The following ATP2A2 variants were observed in gnomAD, a reference collection of about 807,000 sequenced individuals.
The protein encoded by ATP2A2 is ATPase sarcoplasmic/endoplasmic reticulum Ca2+ transporting 2.
In ATP2A2, 14 loss-of-function variants were observed where a neutral mutation model predicts 109.3. The observed-to-expected ratio is 0.13, with a 90% CI of 0.08 to 0.20. ATP2A2 has a LOEUF of 0.20. ATP2A2 is among the 10% of genes least tolerant of loss of function. ATP2A2 has a pLI of 1.00. For synonymous variants in ATP2A2, 506 were observed against 490.9 expected (o/e 1.03, Z -0.41); for missense variants, 657 against 1,321.6 (o/e 0.50, Z 7.80).
rs1592867835 is a variant in ATP2A2, at chr12:110,345,445, TGTGTAG to T, written c.2741+64_2741+69del. The T allele has an allele frequency of 2.2e-5, 36 of 1,603,586 alleles. No homozygotes were observed. The East Asian group carries it at 7.8e-4, about 35-fold the overall frequency. ...TGACTGCCAGGGCACCGGGGAATTG[TGTGTAG>T]TCACGGTTGATTGAGGATCACAGGA... On this transcript the variant is annotated intron_variant, in intron 18 of 19. Transcript: ENST00000539276.
At chr12:110,285,776 T>C (rs1275945020) in intron 3 of ATP2A2, among the ~76,000 whole-genome samples, 1 of 152,176 alleles carries the variant, frequency 6.6e-6, no homozygotes, top group Non-Finnish European at 1.5e-5. Flanking sequence ...CACCGTCGTT[T>C]CCCATGTCAG....
chr12:110,341,484 C>G (rs1180502744), intron 14 of ATP2A2, among the ~76,000 whole-genome samples: 1 of 152,126 alleles, frequency 6.6e-6, no homozygotes, highest in Non-Finnish European at 1.5e-5. Flanking sequence ...TCCTCTCCCC[C>G]AGAGGTAACT....
chr12:110,309,361 T>C (rs1469266351), intron 5 of ATP2A2, among the ~76,000 whole-genome samples: 2 of 151,532 alleles, frequency 1.3e-5, no homozygotes, highest in African/African-American at 4.8e-5. Flanking sequence ...TTTCACCATG[T>C]TGGCCAGGCT....
chr12:110,302,950 G>A (rs1377274333), intron 5 of ATP2A2, among the ~76,000 whole-genome samples: 1 of 152,138 alleles, frequency 6.6e-6, no homozygotes, highest in African/African-American at 2.4e-5. Context: ...CTTAAGTGCT[G>A]CTTGCTTTCG....
rs1879924732 is a variant in ATP2A2, at chr12:110,346,952, G to A, written c.*482G>A. On this transcript the variant is annotated 3_prime_UTR_variant, in exon 20 of 20. Coordinates refer to ENST00000539276, the MANE Select transcript of ATP2A2 (RefSeq NM_170665.4). Reference sequence around the variant, plus strand: ...TAAGCCAATTTTTCTGCACTGAGCAGAGTCTTGCTACCTCAGTCAGTATTG... The same window carrying A: ...TAAGCCAATTTTTCTGCACTGAGCAAAGTCTTGCTACCTCAGTCAGTATTG... 1 of 1,099,588 alleles carries A rather than the reference G, an allele frequency of 9.1e-7. No individual in the cohort carries two copies. Among genetic ancestry groups the A allele is most frequent in the Non-Finnish European group, 1.1e-6 (1 of 899,644 alleles). 68.1% of individuals were successfully genotyped at this position (1,099,588 alleles called of 1,614,324 possible). A position where few individuals can be genotyped will look rare whatever the true frequency, so the allele number is the denominator to read the frequency against.
At chr12:110,300,075 A>G (rs956665299) in intron 5 of ATP2A2, among the ~76,000 whole-genome samples, 1 of 148,446 alleles carries the variant, frequency 6.7e-6, no homozygotes, top group Non-Finnish European at 1.5e-5. Flanking sequence ...TCCTTCCGTC[A>G]GTCTGTCCGT....
At position 110,350,383 on chromosome 12, in the gene ATP2A2, A is replaced by G. The variant is rs1592875909; in HGVS notation, c.*3913A>G. The stretch of plus-strand genomic sequence containing the variant: ...TGCGTTTTTAGCAACACATCTACCA[A>G]CCCTGTGCATGACTGATGTTGGGGA... On this transcript the variant is annotated 3_prime_UTR_variant, in exon 20 of 20. Coordinates refer to ENST00000539276, the MANE Select transcript of ATP2A2 (RefSeq NM_170665.4). The G allele has an allele frequency of 1.2e-6, 2 of 1,608,788 alleles. No individual in the cohort carries two copies. The highest frequency in any genetic ancestry group is 2.2e-5 in the South Asian group (2 of 90,934).
Position 110,347,683 on chromosome 12 carries a change from G to A in ATP2A2, c.*1213G>A, listed in dbSNP as rs926748906. On this transcript the variant is annotated 3_prime_UTR_variant, in exon 20 of 20. Coordinates refer to ENST00000539276, the MANE Select transcript of ATP2A2 (RefSeq NM_170665.4). ...CACTAACCACCACCACCGTTACTACGATCAATGTTTGCGCATGTTCGAGAT... is the reference window on the plus strand; with the variant it reads ...CACTAACCACCACCACCGTTACTACAATCAATGTTTGCGCATGTTCGAGAT... 1.8e-5 allele frequency: 21 copies of A among 1,169,810 alleles called. No individual in the cohort carries two copies. The highest frequency in any genetic ancestry group is 7.4e-5 in the Admixed American group (2 of 27,000). The allele number at this position is 1,169,810 out of a possible 1,614,324, so 72.5% of individuals were successfully genotyped here.
rs1200089844 is a variant in ATP2A2, at chr12:110,281,397, C to T, written c.-393C>T. ...GGCTCGCCTCCCTCGCCGCGTTCCG[C>T]CCTCAGTGGTCTGCCGGGCGCCCCC... is the stretch of plus-strand genomic sequence containing the variant. On this transcript the variant is annotated 5_prime_UTR_variant, in exon 1 of 20. Transcript: ENST00000539276. The T allele has an allele frequency of 6.6e-6, 1 of 152,054 alleles. No homozygotes were observed. Among genetic ancestry groups the T allele is most frequent in the Non-Finnish European group, 1.5e-5 (1 of 68,156 alleles). The allele number at this position is 152,054 out of a possible 1,614,324, so 9.4% of individuals were successfully genotyped here. A position where few individuals can be genotyped will look rare whatever the true frequency, so the allele number is the denominator to read the frequency against.
intron 3 of ATP2A2, among the ~76,000 whole-genome samples, chr12:110,287,697 C>A (rs1012273818): frequency 6.6e-6 from 1 of 152,164 alleles, no homozygotes; most frequent in Non-Finnish European, 1.5e-5. Flanking sequence ...TCACTGCAAC[C>A]TCCACCTCCC....
rs890819185 is a variant in ATP2A2, at chr12:110,342,967, T to C, written c.2319-265T>C. Among the ~76,000 whole-genome samples the C allele has an allele frequency of 6.6e-6, 1 of 152,126 alleles. No individual in the cohort carries two copies. The highest frequency in any genetic ancestry group is 2.4e-5 in the African/African-American group (1 of 41,438). On this transcript the variant is annotated intron_variant, in intron 15 of 19. Coordinates refer to ENST00000539276, the MANE Select transcript of ATP2A2 (RefSeq NM_170665.4). The surrounding 1 kb of genome is among the most constrained non-coding windows in gnomAD (Gnocchi z 4.6). ...TTGCCCAGGCTGGTCTCTTAACTGC[T>C]GAGCTCAGCCAGTCTGCCCACCTTG...
chr12:110,319,485 G>A (rs931826409), intron 5 of ATP2A2, among the ~76,000 whole-genome samples: 2 of 151,260 alleles, frequency 1.3e-5, no homozygotes, highest in Non-Finnish European at 2.9e-5. Flanking sequence ...TTGGCCAAAA[G>A]TTAAATGTGT....
Position 110,333,093 on chromosome 12 carries a change from T to G in ATP2A2, c.1185-88T>G, listed in dbSNP as rs1045321388. On this transcript the variant is annotated intron_variant, in intron 9 of 19. Transcript: ENST00000539276. Reference sequence around the variant, plus strand: ...TGTTGTCCCAGAAATTCTGTTTTCATTATTAAACAATTGCGGGGGGGCAGG... The same window carrying G: ...TGTTGTCCCAGAAATTCTGTTTTCAGTATTAAACAATTGCGGGGGGGCAGG... 10 of 1,141,476 alleles carry G rather than the reference T, an allele frequency of 8.8e-6. No homozygotes were observed. In the African/African-American group the frequency reaches 1.5e-4, roughly 17 times the overall value. The allele number at this position is 1,141,476 out of a possible 1,614,324, so 70.7% of individuals were successfully genotyped here. A position where few individuals can be genotyped will look rare whatever the true frequency, so the allele number is the denominator to read the frequency against.
intron 8 of ATP2A2, chr12:110,329,583 A>G (rs1452509600): frequency 6.6e-6 from 1 of 151,348 alleles, no homozygotes; most frequent in Non-Finnish European, 1.5e-5. Context: ...CGCCCGGCTA[A>G]TTTTTTGTAT....
At chr12:110,321,967 A>G (rs1877288015) in intron 5 of ATP2A2, among the ~76,000 whole-genome samples, 1 of 152,070 alleles carries the variant, frequency 6.6e-6, no homozygotes, top group Admixed American at 6.6e-5. Flanking sequence ...GTTATGCAAG[A>G]GGTTTATTAT....
At chr12:110,302,998 C>T (rs1260287973) in intron 5 of ATP2A2, among the ~76,000 whole-genome samples, 1 of 152,164 alleles carries the variant, frequency 6.6e-6, no homozygotes, top group Non-Finnish European at 1.5e-5. Context: ...TAATGCAGAA[C>T]AGACATCTAG....
At chr12:110,328,562 C>T (rs947084017) in intron 8 of ATP2A2, among the ~76,000 whole-genome samples, 1 of 152,052 alleles carries the variant, frequency 6.6e-6, no homozygotes, top group Admixed American at 6.6e-5. Flanking sequence ...AGCAAGACTC[C>T]ATCTCAAAGA....
At chr12:110,292,500 C>T (rs1268455605) in intron 4 of ATP2A2, among the ~76,000 whole-genome samples, 1 of 152,146 alleles carries the variant, frequency 6.6e-6, no homozygotes, top group East Asian at 1.9e-4. Flanking sequence ...AGCTCCTGAC[C>T]TCAAGTGATC....
Position 110,346,544 on chromosome 12 carries a change from T to G in ATP2A2, c.*74T>G. 6.3e-7 allele frequency: 1 copy of G among 1,586,804 alleles called. No individual in the cohort carries two copies. The highest frequency in any genetic ancestry group is 1.1e-5 in the South Asian group (1 of 87,992). On this transcript the variant is annotated 3_prime_UTR_variant, in exon 20 of 20. Transcript: ENST00000539276. ...TTATTGTTTAAAGCAACTGTCTATT[T>G]CTGCTGAATTTTCACATGAACATAC...
Sources: gnomAD v4.1 joint callset for allele counts (sites outside exome capture counted in the v4.1 genomes callset) on GRCh38, gnomAD v4.1.1 for gene constraint, Gnocchi (gnomAD v3.1) non-coding constraint, MANE v1.5 for transcripts, NCBI Gene and HGNC (gene_info 2026-07-23, HGNC 2026-07-21) for gene names.